Variants in PLEKHG7 observed in about 807,000 individuals in gnomAD.
PLEKHG7 encodes the protein pleckstrin homology domain-containing family G member 7.
Under a neutral mutation model 85.2 loss-of-function variants are expected in PLEKHG7, and 77 were observed. That is an observed-to-expected ratio of 0.90 (90% CI 0.75 to 1.09). The LOEUF is 1.09. Ranked by LOEUF, PLEKHG7 falls within the 50% of genes least tolerant of loss-of-function variation. PLEKHG7 has a pLI of 0.00. For synonymous variants in PLEKHG7, 301 were observed against 302.4 expected (o/e 1.00, Z 0.05); for missense variants, 777 against 804.3 (o/e 0.97, Z 0.41).
At chr12:92,726,103 C>T (rs778194956) in intron 3 of PLEKHG7, among the ~76,000 whole-genome samples, 31 of 152,200 alleles carry the variant, frequency 2.0e-4, no homozygotes, top group African/African-American at 2.2e-4. Context: ...GCATGGGATC[C>T]GAGAATGTGC....
intron 7 of PLEKHG7, among the ~76,000 whole-genome samples, chr12:92,739,973 C>A (rs1872301298): frequency 6.6e-6 from 1 of 152,158 alleles, no homozygotes; most frequent in Admixed American, 6.6e-5. Flanking sequence ...TGTTCTCAGA[C>A]CCCGTCACAG....
At chr12:92,737,627 A>C in intron 7 of PLEKHG7, 106 bp downstream of exon 7, 1 of 1,141,538 alleles carries the variant, frequency 8.8e-7, no homozygotes. Context: ...GAGAGAAAAG[A>C]AAGAAAGAGA....
intron 3 of PLEKHG7, among the ~76,000 whole-genome samples, chr12:92,713,945 A>G (rs964355615): frequency 4.6e-5 from 7 of 152,158 alleles, no homozygotes; most frequent in Non-Finnish European, 1.0e-4. Context: ...ATCCAACTCT[A>G]TGTTCCTTCC....
At chr12:92,754,949 TA>T (rs200289354) in intron 11 of PLEKHG7, among the ~76,000 whole-genome samples, 109 of 149,732 alleles carry the variant, frequency 7.3e-4, no homozygotes, top group East Asian at 3.3e-3. Flanking sequence ...ACAGATGCTT[TA>T]AAAAAAAAAG....
At position 92,761,638 on chromosome 12, in the gene PLEKHG7, G is replaced by GAAAGGAAGAAAGAA. The variant is rs1873016993; in HGVS notation, c.1637-110_1637-109insGAAGAAAGAAAAAG. The GAAAGGAAGAAAGAA allele has an allele frequency of 2.7e-5, 14 of 519,458 alleles. No individual in the cohort carries two copies. In the South Asian group the frequency reaches 4.9e-4, roughly 18 times the overall value. The allele number at this position is 519,458 out of a possible 1,614,324, so 32.2% of individuals were successfully genotyped here. ...AAGAAAGAAAGAAGAAAGAAAGAAAGAAAGAAAGAAAGAAAGAAAGAAAGA... is the reference window on the plus strand; with the variant it reads ...AAGAAAGAAAGAAGAAAGAAAGAAAGAAAGGAAGAAAGAAAAAGAAAGAAAGAAAGAAAGAAAGA... On this transcript the variant is annotated intron_variant, in intron 13 of 16. Transcript: ENST00000344636.
intron 14 of PLEKHG7, among the ~76,000 whole-genome samples, chr12:92,762,786 T>C (rs1216252608): frequency 1.3e-5 from 2 of 152,334 alleles, no homozygotes; most frequent in Admixed American, 6.5e-5. Flanking sequence ...AGACTAGCTA[T>C]GTCATATCTT....
intron 10 of PLEKHG7, 108 bp from the exon 11 acceptor site, chr12:92,753,982 G>A (rs949703333): frequency 1.8e-6 from 2 of 1,103,498 alleles, no homozygotes; most frequent in South Asian, 3.1e-5. Flanking sequence ...TCACAAGTAG[G>A]TCCTGCAGTT....
chr12:92,769,484 A>C (rs1398358079), intron 16 of PLEKHG7, among the ~76,000 whole-genome samples: 1 of 152,214 alleles, frequency 6.6e-6, no homozygotes, highest in African/African-American at 2.4e-5. Context: ...TATTAGCTTA[A>C]GGAGGGCCTG....
At chr12:92,757,174 A>G (rs1255087273) in intron 13 of PLEKHG7, among the ~76,000 whole-genome samples, 1 of 152,208 alleles carries the variant, frequency 6.6e-6, no homozygotes, top group African/African-American at 2.4e-5. Flanking sequence ...TGGGCCATTT[A>G]CAGTGATCTC....
intron 3 of PLEKHG7, among the ~76,000 whole-genome samples, chr12:92,713,340 A>G (rs1871401186): frequency 6.6e-6 from 1 of 152,208 alleles, no homozygotes; most frequent in South Asian, 2.1e-4. Context: ...GTAGGAATGT[A>G]GTAGGCTTCC....
intron 10 of PLEKHG7, among the ~76,000 whole-genome samples, chr12:92,750,011 T>C (rs928387985): frequency 6.9e-6 from 1 of 145,478 alleles, no homozygotes; most frequent in Admixed American, 6.9e-5. Context: ...TATTTTATTT[T>C]ATTTTATTTT....
At chr12:92,737,666 A>T in intron 7 of PLEKHG7, 145 bp downstream of exon 7, 1 of 749,000 alleles carries the variant, frequency 1.3e-6, no homozygotes, top group Non-Finnish European at 2.0e-6. Context: ...GAAAGGAAGG[A>T]AGGAAAGGAA....
In PLEKHG7 at chr12:92,707,121, C is replaced by A. The variant is rs201155110; in HGVS notation, c.490C>A (p.Arg164=). ...CCACTTCCTGCCCAGCCCCACCCTACGACACCCTAGTCCTCAGGTAACACA... is the reference window on the plus strand; with the variant it reads ...CCACTTCCTGCCCAGCCCCACCCTAAGACACCCTAGTCCTCAGGTAACACA... ...EGHFLPSPTL[R]HPSPQGEELH... The change falls in exon 2 of 17, where the codon CGA becomes AGA. Residue 164 remains arginine (R), a synonymous_variant. Coordinates refer to ENST00000344636, the MANE Select transcript of PLEKHG7 (RefSeq NM_001377329.1). 3 of 1,613,318 alleles carry A rather than the reference C, an allele frequency of 1.9e-6. No individual in the cohort carries two copies. The highest frequency in any genetic ancestry group is 4.5e-5 in the East Asian group (2 of 44,876).
chr12:92,711,530 T>G (rs1290617845), intron 3 of PLEKHG7, among the ~76,000 whole-genome samples: 1 of 152,176 alleles, frequency 6.6e-6, no homozygotes, highest in Non-Finnish European at 1.5e-5. Context: ...ACCCAGTTCA[T>G]GATAGGCAGT....
In PLEKHG7 at chr12:92,707,896, G is replaced by A; in HGVS notation, c.530+224G>A. On this transcript the variant is annotated intron_variant, in intron 3 of 16. Coordinates refer to ENST00000344636, the MANE Select transcript of PLEKHG7 (RefSeq NM_001377329.1). ...GGGGCAGGATACAATGCCATATGCAGTCATAGTTTTCATTTTGAATTGTCA... is the reference window on the plus strand; with the variant it reads ...GGGGCAGGATACAATGCCATATGCAATCATAGTTTTCATTTTGAATTGTCA... 3 of 631,322 alleles carry A rather than the reference G, an allele frequency of 4.8e-6. No homozygotes were observed. The Admixed American group carries it at 9.2e-5, about 19-fold the overall frequency. The allele number at this position is 631,322 out of a possible 1,614,324, so 39.1% of individuals were successfully genotyped here.
chr12:92,723,500 A>G (rs1000680864), intron 3 of PLEKHG7, among the ~76,000 whole-genome samples: 1 of 152,226 alleles, frequency 6.6e-6, no homozygotes, highest in Admixed American at 6.5e-5. Context: ...GAAAAAACAC[A>G]TAAATAAAAC....
At chr12:92,746,140 G>A (rs1239186523) in intron 10 of PLEKHG7, among the ~76,000 whole-genome samples, 1 of 152,190 alleles carries the variant, frequency 6.6e-6, no homozygotes, top group African/African-American at 2.4e-5. Context: ...TAGTAGCCAA[G>A]CCTAAAACCT....
intron 13 of PLEKHG7, among the ~76,000 whole-genome samples, chr12:92,758,928 A>T (rs1208324167): frequency 1.3e-5 from 2 of 152,210 alleles, no homozygotes; most frequent in African/African-American, 4.8e-5. Context: ...TTTTAAATGA[A>T]AAAAGCATTG....
In PLEKHG7 at chr12:92,707,122, G is replaced by A. The variant is rs758169319; in HGVS notation, c.491G>A (p.Arg164Gln). The A allele has an allele frequency of 3.6e-5, 58 of 1,613,030 alleles. 1 individual carries two copies. In the Admixed American group the frequency reaches 7.3e-4, roughly 20 times the overall value. Residue 164 changes from arginine (R) to glutamine (Q), a missense_variant, in exon 2 of 17, where the codon CGA becomes CAA. Arg to Gln is a conservative substitution (Grantham distance 43). This residue lies in a region of PLEKHG7 where 252 missense variants were observed against 241.9 expected (regional missense o/e 1.04). Transcript: ENST00000344636. ...CACTTCCTGCCCAGCCCCACCCTAC[G>A]ACACCCTAGTCCTCAGGTAACACAG... is the stretch of plus-strand genomic sequence containing the variant. ...EGHFLPSPTL[R>Q]HPSPQGEELH... is the part of the protein sequence containing the mutation.
Sources: gnomAD v4.1 joint callset for allele counts (sites outside exome capture counted in the v4.1 genomes callset) on GRCh38, gnomAD v4.1.1 for gene constraint, gnomAD v4.1.1 regional missense constraint, MANE v1.5 for transcripts, NCBI Gene and HGNC (gene_info 2026-07-23, HGNC 2026-07-21) for gene names.